ANO3: variants seen among roughly 807,000 people sequenced by gnomAD.
The protein encoded by ANO3 is anoctamin 3.
A neutral mutation model predicts 144.8 loss-of-function variants in ANO3; 99 were observed. The ratio of observed to expected loss-of-function variants is 0.68; its 90% CI spans 0.58 to 0.81. ANO3 has a LOEUF of 0.81. Ranked by LOEUF, ANO3 falls within the 30% of genes least tolerant of loss-of-function variation. ANO3 has a pLI of 0.00. For missense variants in ANO3, 905 were observed against 1,202.2 expected (o/e 0.75, Z 3.66); for synonymous variants, 414 against 392.6 (o/e 1.05, Z -0.64).
intron 14 of ANO3, chr11:26,563,183 C>T (rs1274503641): frequency 3.1e-6 from 5 of 1,612,442 alleles, no homozygotes; most frequent in Non-Finnish European, 4.2e-6. Flanking sequence ...TTCCACACAA[C>T]AAGTAGCCCA....
intron 1 of ANO3, among the ~76,000 whole-genome samples, chr11:26,385,464 T>C (rs55926814): frequency 0.27 from 40,370 of 151,938 alleles, 6,010 homozygotes; most frequent in African/African-American, 0.4. Flanking sequence ...CTTCTGCAGG[T>C]TGTAGGGGAA....
intron 1 of ANO3, among the ~76,000 whole-genome samples, chr11:26,420,534 A>G (rs530352619): frequency 1.1e-4 from 16 of 152,188 alleles, no homozygotes; most frequent in African/African-American, 2.9e-4. Context: ...TTAGATGTAG[A>G]TAAGAGAGAG....
intron 1 of ANO3, among the ~76,000 whole-genome samples, chr11:26,262,382 T>C (rs1853209660): frequency 6.6e-6 from 1 of 152,122 alleles, no homozygotes; most frequent in Non-Finnish European, 1.5e-5. Flanking sequence ...TGCTGTTATT[T>C]CTCTGAGGCC....
chr11:26,203,449 A>T (rs991927973), intron 1 of ANO3, among the ~76,000 whole-genome samples: 1 of 152,124 alleles, frequency 6.6e-6, no homozygotes, highest in Non-Finnish European at 1.5e-5. Context: ...CTTTATAAAG[A>T]GATAAAGACT....
At position 26,598,918 on chromosome 11, in the gene ANO3, A is replaced by G; in HGVS notation, c.1591A>G (p.Thr531Ala). ...CAAGATGGAGATTGTAAATCCCATC[A>G]CGGGAAAACCTGAACCACATCAGCC... Reference protein sequence around the residue: ...YYKMEIVNPITGKPEPHQPSS... With the variant: ...YYKMEIVNPIAGKPEPHQPSS... Residue 531 changes from threonine to alanine, a missense_variant, in exon 16 of 27, where the codon ACG (threonine) becomes GCG (alanine). Transcript: ENST00000256737. 1 of 1,614,010 alleles carries G rather than the reference A, an allele frequency of 6.2e-7. No homozygotes were observed. Among genetic ancestry groups the G allele is most frequent in the South Asian group, 1.1e-5 (1 of 91,046 alleles).
intron 2 of ANO3, 69 bp downstream of exon 2, chr11:26,442,181 T>A (rs184117267): frequency 9.8e-5 from 145 of 1,480,616 alleles, no homozygotes; most frequent in Non-Finnish European, 1.3e-4. Context: ...CTCCTTTCCT[T>A]CCTTTTTCCA....
intron 1 of ANO3, among the ~76,000 whole-genome samples, chr11:26,405,972 C>G (rs1857267092): frequency 6.6e-6 from 1 of 151,826 alleles, no homozygotes; most frequent in Non-Finnish European, 1.5e-5. Context: ...GGTATTTTTA[C>G]ATTTTAAGCC....
intron 1 of ANO3, among the ~76,000 whole-genome samples, chr11:26,418,540 T>TA (rs1857658872): frequency 1.3e-5 from 2 of 152,138 alleles, no homozygotes; most frequent in Admixed American, 6.6e-5. Context: ...CCATTCCCCT[T>TA]AGCAACAGTG....
intron 1 of ANO3, among the ~76,000 whole-genome samples, chr11:26,414,161 C>T (rs905993123): frequency 6.6e-6 from 1 of 152,064 alleles, no homozygotes; most frequent in African/African-American, 2.4e-5. Context: ...ATTAGTTAAA[C>T]CATTGTGGAC....
chr11:26,544,273 T>TATACACACACACACAC, intron 11 of ANO3, among the ~76,000 whole-genome samples: 3 of 58,544 alleles, frequency 5.1e-5, no homozygotes, highest in East Asian at 1.2e-3. Flanking sequence ...TATATATATA[T>TATACACACACACACAC]ACACACATAC....
chr11:26,478,940 G>A (rs1464089660), intron 4 of ANO3, among the ~76,000 whole-genome samples: 1 of 152,182 alleles, frequency 6.6e-6, no homozygotes, highest in South Asian at 2.1e-4. Flanking sequence ...CCAGTTTTAT[G>A]TGTTGCCCAA....
chr11:26,262,724 A>C (rs1388828408), intron 1 of ANO3, among the ~76,000 whole-genome samples: 1 of 151,854 alleles, frequency 6.6e-6, no homozygotes, highest in Non-Finnish European at 1.5e-5. Flanking sequence ...TAGTAAACAC[A>C]CACACACACA....
Position 26,643,170 on chromosome 11 carries a change from C to T in ANO3, c.2276-12C>T. 1.2e-5 allele frequency: 19 copies of T among 1,613,246 alleles called. No individual in the cohort carries two copies. Among genetic ancestry groups the T allele is most frequent in the African/African-American group, 4.0e-5 (3 of 74,970 alleles). ...GTTTATATAGTAATTTCCTAATGCT[C>T]TTCTTTTGCAGTTTTGCAATTTGGT... is the stretch of plus-strand genomic sequence containing the variant. On this transcript the variant is annotated splice_polypyrimidine_tract_variant and intron_variant, in intron 22 of 26. Coordinates refer to ENST00000256737, the MANE Select transcript of ANO3 (RefSeq NM_031418.4).
At chr11:26,385,463 G>T (rs1378435971) in intron 1 of ANO3, among the ~76,000 whole-genome samples, 1 of 152,118 alleles carries the variant, frequency 6.6e-6, no homozygotes, top group African/African-American at 2.4e-5. Context: ...TCTTCTGCAG[G>T]TTGTAGGGGA....
chr11:26,509,978 A>G (rs1861595203), intron 5 of ANO3, among the ~76,000 whole-genome samples: 1 of 151,796 alleles, frequency 6.6e-6, no homozygotes, highest in Non-Finnish European at 1.5e-5. Flanking sequence ...CCCATCTCTT[A>G]CAAAAAGTAG....
intron 14 of ANO3, chr11:26,565,113 A>T (rs1275762069): frequency 1.4e-6 from 2 of 1,472,214 alleles, no homozygotes; most frequent in African/African-American, 2.8e-5. Flanking sequence ...TGCATGACTT[A>T]TTTGGAATTT....
At chr11:26,295,161 G>A (rs1184722065) in intron 1 of ANO3, among the ~76,000 whole-genome samples, 1 of 151,804 alleles carries the variant, frequency 6.6e-6, no homozygotes, top group African/African-American at 2.4e-5. Flanking sequence ...TGATCCACCC[G>A]CCTCGGCCTC....
intron 14 of ANO3, among the ~76,000 whole-genome samples, chr11:26,564,784 T>A (rs1169218378): frequency 4.0e-5 from 4 of 99,866 alleles, no homozygotes; most frequent in African/African-American, 1.4e-4. Context: ...TATATATATA[T>A]AAGTTCAGTT....
intron 14 of ANO3, among the ~76,000 whole-genome samples, chr11:26,571,810 T>G (rs1219832435): frequency 6.6e-6 from 1 of 152,238 alleles, no homozygotes; most frequent in South Asian, 2.1e-4. Context: ...TCTAGCAAAT[T>G]TGGCAGTAAT....
Sources: gnomAD v4.1 joint callset for allele counts (sites outside exome capture counted in the v4.1 genomes callset) on GRCh38, gnomAD v4.1.1 for gene constraint, MANE v1.5 for transcripts, NCBI Gene and HGNC (gene_info 2026-07-23, HGNC 2026-07-21) for gene names.